The following COG5 variants were observed in gnomAD, a reference collection of about 807,000 sequenced individuals.
COG5 encodes component of oligomeric golgi complex 5.
COG5 carries 86 observed loss-of-function variants against 110.4 expected under a neutral mutation model. The ratio of observed to expected loss-of-function variants is 0.78; its 90% confidence interval spans 0.65 to 0.93. The LOEUF (loss-of-function observed/expected upper bound fraction) is 0.93. Ranked by LOEUF, COG5 falls within the 40% of genes least tolerant of loss-of-function variation. The pLI, the probability that COG5 is intolerant of heterozygous loss-of-function variation, is 0.00. For missense variants in COG5, 1,077 were observed against 987.0 expected (o/e 1.09, Z -1.22); for synonymous variants, 360 against 334.6 (o/e 1.08, Z -0.83).
Position 107,201,551 on chromosome 7 carries a change from AG to A in COG5, c.*1964del. 1.8e-6 allele frequency: 1 copy of A among 562,068 alleles called. No individual in the cohort carries two copies. Among genetic ancestry groups the A allele is most frequent in the Non-Finnish European group, 3.3e-6 (1 of 304,852 alleles). 34.8% of individuals were successfully genotyped at this position (562,068 alleles called of 1,614,324 possible). ...ATTCGTGTGACCATAAGATACTGATAGCATTGAGTCTTGAAATGATTTAATA... is the reference window on the plus strand; with the variant it reads ...ATTCGTGTGACCATAAGATACTGATACATTGAGTCTTGAAATGATTTAATA... On this transcript the variant is annotated 3_prime_UTR_variant, in exon 22 of 22. Transcript: ENST00000297135.
chr7:107,330,217 G>A lies in COG5; in HGVS notation c.1027-5696C>T, dbSNP rs192795783. Among the ~76,000 whole-genome samples the A allele has an allele frequency of 8.5e-5, 13 of 152,246 alleles. 1 individual carries two copies. The South Asian group carries it at 2.3e-3, about 27-fold the overall frequency. ...TAATTTAAAGTATCTTTCTGACCTT[G>A]TTTCTTGGTTATAAATACAAACAGT... On this transcript the variant is annotated intron_variant, in intron 10 of 21. Transcript: ENST00000297135.
At chr7:107,238,078 T>C (rs911514696) in intron 17 of COG5, among the ~76,000 whole-genome samples, 3 of 152,198 alleles carry the variant, frequency 2.0e-5, no homozygotes, top group African/African-American at 7.2e-5. Flanking sequence ...AAGGTAATCA[T>C]ACTCATCACC....
chr7:107,349,518 G>A (rs1584712552), intron 10 of COG5, among the ~76,000 whole-genome samples: 5 of 148,816 alleles, frequency 3.4e-5, no homozygotes, highest in East Asian at 2.0e-4. Flanking sequence ...CTCCTGCCTC[G>A]GCCTCCAGAG....
intron 11 of COG5, among the ~76,000 whole-genome samples, chr7:107,322,335 AC>A (rs1325748567): frequency 6.6e-6 from 1 of 152,174 alleles, no homozygotes; most frequent in Non-Finnish European, 1.5e-5. Context: ...CAGTCTATGA[AC>A]CAGGAAGCAG....
chr7:107,434,195 TG>T (rs1794210596), intron 6 of COG5, among the ~76,000 whole-genome samples: 2 of 152,136 alleles, frequency 1.3e-5, no homozygotes, highest in Non-Finnish European at 1.5e-5. Context: ...GTAGAAAAAT[TG>T]GAACCTTTGT....
intron 6 of COG5, among the ~76,000 whole-genome samples, chr7:107,495,176 G>A (rs1421642762): frequency 6.6e-6 from 1 of 152,096 alleles, no homozygotes; most frequent in Non-Finnish European, 1.5e-5. Context: ...GGTGTCAGAG[G>A]ACTGAGCTCA....
At position 107,415,944 on chromosome 7, in the gene COG5, G is replaced by GTATA. The variant is rs1472396226; in HGVS notation, c.539-3313_539-3312insTATA. Among the ~76,000 whole-genome samples the GTATA allele has an allele frequency of 1.2e-4, 14 of 116,536 alleles. 2 individuals carry two copies. The highest frequency in any genetic ancestry group is 4.1e-4 in the Admixed American group (5 of 12,218). 76.5% of individuals were successfully genotyped at this position (116,536 alleles called of 152,430 possible). On this transcript the variant is annotated intron_variant, in intron 6 of 21. Coordinates refer to ENST00000297135, the MANE Select transcript of COG5 (RefSeq NM_006348.5). The stretch of plus-strand genomic sequence containing the variant: ...TGTATATACACACACATACACGTAT[G>GTATA]TATGTATGTGTGTGTATATACACAC...
chr7:107,474,638 A>G lies in COG5; in HGVS notation c.538+52599T>C, dbSNP rs144444737. On this transcript the variant is annotated intron_variant, in intron 6 of 21. Transcript: ENST00000297135. This position sits in a 1 kb window ranked among gnomAD's most constrained non-coding sequence, Gnocchi z 5.7. ...CAAAGTGGAAATACCTGGGAAAACA[A>G]GACACTTTTATGTGTCAGTACAAAT... 1.2e-5 allele frequency: 19 copies of G among 1,609,728 alleles called. No homozygotes were observed. In the African/African-American group the frequency reaches 2.1e-4, roughly 18 times the overall value.
At chr7:107,400,882 A>C (rs995606281) in intron 7 of COG5, among the ~76,000 whole-genome samples, 3 of 152,182 alleles carry the variant, frequency 2.0e-5, no homozygotes, top group Non-Finnish European at 4.4e-5. Flanking sequence ...TGTAAAACAA[A>C]AGCATACAGA....
intron 14 of COG5, among the ~76,000 whole-genome samples, chr7:107,273,687 C>T (rs1427888143): frequency 6.6e-6 from 1 of 151,756 alleles, no homozygotes; most frequent in Non-Finnish European, 1.5e-5. Flanking sequence ...TATTCAATTG[C>T]TCAATTGAAT....
Position 107,201,631 on chromosome 7 carries a change from AT to A in COG5, c.*1884del. The A allele has an allele frequency of 2.3e-6, 1 of 430,346 alleles. No homozygotes were observed. Among genetic ancestry groups the A allele is most frequent in the Non-Finnish European group, 4.2e-6 (1 of 238,432 alleles). 26.7% of individuals were successfully genotyped at this position (430,346 alleles called of 1,614,324 possible). A position where few individuals can be genotyped will look rare whatever the true frequency, so the allele number is the denominator to read the frequency against. ...AGAGCATTAAGCTAAAACTATCAAC[AT>A]TTTAAACCAAATTGCCTTATTTTTC... On this transcript the variant is annotated 3_prime_UTR_variant, in exon 22 of 22. Transcript: ENST00000297135.
chr7:107,310,262 T>C (rs544371470), intron 11 of COG5, among the ~76,000 whole-genome samples: 3 of 152,326 alleles, frequency 2.0e-5, no homozygotes, highest in African/African-American at 4.8e-5. Context: ...CATATTAATA[T>C]ACCGATCACA....
At chr7:107,466,880 A>G (rs1050232254) in intron 6 of COG5, among the ~76,000 whole-genome samples, 1 of 152,256 alleles carries the variant, frequency 6.6e-6, no homozygotes, top group African/African-American at 2.4e-5. Flanking sequence ...AAATTGTTTC[A>G]AAGTACTTTC....
intron 10 of COG5, among the ~76,000 whole-genome samples, chr7:107,335,313 C>G (rs1810610728): frequency 6.6e-6 from 1 of 152,052 alleles, no homozygotes; most frequent in Non-Finnish European, 1.5e-5. Context: ...TCACTTGAAC[C>G]CGGGAAGTGG....
At chr7:107,237,545 T>G (rs960295989) in intron 17 of COG5, among the ~76,000 whole-genome samples, 24 of 152,242 alleles carry the variant, frequency 1.6e-4, no homozygotes, top group African/African-American at 5.8e-4. Flanking sequence ...ACAACAGATA[T>G]GACTAAAATG....
chr7:107,357,502 T>C (rs765432835), intron 10 of COG5, among the ~76,000 whole-genome samples: 5 of 152,194 alleles, frequency 3.3e-5, no homozygotes, highest in Admixed American at 2.6e-4. Context: ...GAATATATTC[T>C]TAAATAGCGT....
chr7:107,438,614 C>A (rs796449129), intron 6 of COG5, among the ~76,000 whole-genome samples: 14 of 152,280 alleles, frequency 9.2e-5, no homozygotes, highest in Middle Eastern at 3.4e-3. Context: ...AGTTATATTT[C>A]CTGCCCTACA....
intron 6 of COG5, among the ~76,000 whole-genome samples, chr7:107,454,799 C>T (rs893744694): frequency 6.6e-6 from 1 of 151,850 alleles, no homozygotes; most frequent in African/African-American, 2.4e-5. Context: ...ATGCCTGCAA[C>T]ACAATGTGCC....
At chr7:107,234,213 A>G (rs1366422954) in intron 18 of COG5, among the ~76,000 whole-genome samples, 2 of 152,176 alleles carry the variant, frequency 1.3e-5, no homozygotes, top group Non-Finnish European at 2.9e-5. Flanking sequence ...AGGGCTTAAC[A>G]GTGAGTAAAT....
Sources: gnomAD v4.1 joint callset for allele counts (sites outside exome capture counted in the v4.1 genomes callset) on GRCh38, gnomAD v4.1.1 for gene constraint, Gnocchi (gnomAD v3.1) non-coding constraint, MANE v1.5 for transcripts, NCBI Gene and HGNC (gene_info 2026-07-23, HGNC 2026-07-21) for gene names.